Variants in ARHGAP44 observed in about 807,000 individuals in gnomAD.
ARHGAP44 encodes Rho GTPase activating protein 44.
Under a neutral mutation model 106.8 loss-of-function variants are expected in ARHGAP44, and 43 were observed. The ratio of observed to expected loss-of-function variants is 0.40; its 90% CI spans 0.32 to 0.52. The LOEUF (loss-of-function observed/expected upper bound fraction) is 0.52. Among genes scored for constraint, ARHGAP44 ranks in the 20% least tolerant of loss-of-function variants. The probability of loss-of-function intolerance (pLI) is 0.48; values close to 1 mark genes in which losing one functional copy is unlikely to be tolerated. For missense variants in ARHGAP44, 866 were observed against 1,050.5 expected, an observed-to-expected ratio of 0.82 and a Z score of 2.43; for synonymous variants, 439 against 410.3, an observed-to-expected ratio of 1.07 and a Z score of -0.85.
chr17:12,886,619 T>C (rs1597998768), intron 1 of ARHGAP44, among the ~76,000 whole-genome samples: 1 of 152,208 alleles, frequency 6.6e-6, no homozygotes, highest in South Asian at 2.1e-4. Flanking sequence ...TATTAGTATG[T>C]ACAATTTATT....
chr17:12,844,363 A>G (rs2035503486), intron 1 of ARHGAP44, among the ~76,000 whole-genome samples: 1 of 152,188 alleles, frequency 6.6e-6, no homozygotes, highest in East Asian at 1.9e-4. Context: ...CACAGGCACC[A>G]GGGGCTGCAC....
intron 10 of ARHGAP44, among the ~76,000 whole-genome samples, chr17:12,947,326 G>A (rs546128713): frequency 6.6e-6 from 1 of 152,142 alleles, no homozygotes; most frequent in East Asian, 1.9e-4. Context: ...AACCATCCTC[G>A]AAACTTCTAG....
chr17:12,882,453 T>G (rs2036767465), intron 1 of ARHGAP44, among the ~76,000 whole-genome samples: 1 of 152,180 alleles, frequency 6.6e-6, no homozygotes, highest in Non-Finnish European at 1.5e-5. Context: ...CTATTTTAGT[T>G]GCTTACTGAG....
chr17:12,790,910 C>G (rs1431738215), intron 1 of ARHGAP44, among the ~76,000 whole-genome samples: 1 of 152,134 alleles, frequency 6.6e-6, no homozygotes, highest in South Asian at 2.1e-4. Context: ...AATCAGAAAG[C>G]AAAGAATCCA....
intron 1 of ARHGAP44, among the ~76,000 whole-genome samples, chr17:12,801,522 A>G (rs931688509): frequency 2.6e-5 from 4 of 152,232 alleles, no homozygotes; most frequent in East Asian, 1.9e-4. Context: ...TCATCACTGT[A>G]CTTTAATGAC....
chr17:12,937,673 A>G (rs1360081657), intron 7 of ARHGAP44, among the ~76,000 whole-genome samples: 2 of 152,214 alleles, frequency 1.3e-5, no homozygotes, highest in Non-Finnish European at 2.9e-5. Context: ...CTGACTTCAA[A>G]GCCCCCTGCG....
chr17:12,941,070 T>C lies in ARHGAP44; in HGVS notation c.597T>C (p.Ala199=). 1 of 1,614,020 alleles carries C rather than the reference T, an allele frequency of 6.2e-7. No individual in the cohort carries two copies. Among genetic ancestry groups the C allele is most frequent in the Non-Finnish European group, 8.5e-7 (1 of 1,179,892 alleles). Residue 199 remains alanine (A), a synonymous_variant, in exon 8 of 21, where the codon GCT becomes GCC. Coordinates refer to ENST00000379672, the MANE Select transcript of ARHGAP44 (RefSeq NM_014859.6). ...RVEICRDQLS[A]DMYSFVAKEI... is the part of the protein sequence containing the mutation. ...ACCTTGCACAGGACCAGCTCTCAGC[T>C]GATATGTACAGTTTTGTGGCCAAAG...
intron 3 of ARHGAP44, among the ~76,000 whole-genome samples, chr17:12,904,065 T>G (rs1012437420): frequency 6.6e-6 from 1 of 152,168 alleles, no homozygotes; most frequent in Non-Finnish European, 1.5e-5. Flanking sequence ...TCTTCCTTTC[T>G]CTTGTCATTT....
chr17:12,963,176 A>C (rs74383919), intron 16 of ARHGAP44, among the ~76,000 whole-genome samples: 454 of 152,132 alleles, frequency 3.0e-3, no homozygotes, highest in Non-Finnish European at 5.1e-3. Flanking sequence ...TTTGATAAAG[A>C]TGGCAGCAGA....
chr17:12,916,950 T>C, intron 5 of ARHGAP44, among the ~76,000 whole-genome samples: 1 of 152,170 alleles, frequency 6.6e-6, no homozygotes, highest in African/African-American at 2.4e-5. Context: ...ACCAACATGA[T>C]TCTTAAAGGA....
intron 12 of ARHGAP44, among the ~76,000 whole-genome samples, chr17:12,950,338 A>T (rs1441987960): frequency 6.6e-6 from 1 of 152,156 alleles, no homozygotes; most frequent in Non-Finnish European, 1.5e-5. Context: ...GTCACGTGTC[A>T]TGACACGTGG....
At chr17:12,860,194 G>C (rs1567653731) in intron 1 of ARHGAP44, among the ~76,000 whole-genome samples, 2 of 152,162 alleles carry the variant, frequency 1.3e-5, no homozygotes, top group South Asian at 4.1e-4. Context: ...CAAGAATATA[G>C]AAAGTAGGAA....
At chr17:12,864,205 T>C (rs1247147619) in intron 1 of ARHGAP44, among the ~76,000 whole-genome samples, 2 of 152,186 alleles carry the variant, frequency 1.3e-5, no homozygotes, top group African/African-American at 4.8e-5. Flanking sequence ...CTCTGGCAAT[T>C]GTGAATGAGG....
intron 18 of ARHGAP44, among the ~76,000 whole-genome samples, chr17:12,977,632 G>C (rs12453248): frequency 0.55 from 83,306 of 152,074 alleles, 23,033 homozygotes; most frequent in Non-Finnish European, 0.59. Context: ...GCCTTGTTCA[G>C]GTAGCGCCCC....
intron 3 of ARHGAP44, 103 bp downstream of exon 3, chr17:12,896,614 C>T (rs1284536862): frequency 8.0e-6 from 8 of 1,000,440 alleles, no homozygotes; most frequent in Middle Eastern, 2.1e-4. Context: ...TAGCTGCTTA[C>T]GTGCCTGAGA....
rs1221583831 is a variant in ARHGAP44, at chr17:12,958,982, A to T, written c.1523+85A>T. 2 of 1,450,288 alleles carry T rather than the reference A, an allele frequency of 1.4e-6. No individual in the cohort carries two copies. Among genetic ancestry groups the T allele is most frequent in the Non-Finnish European group, 9.4e-7 (1 of 1,062,504 alleles). The allele number at this position is 1,450,288 out of a possible 1,614,324, so 89.8% of individuals were successfully genotyped here. ...GGTGACGCATAAGAAAAATACAATT[A>T]CGGGAAGGCTGCACTGACTCTCAGC... On this transcript the variant is annotated intron_variant, in intron 16 of 20. Transcript: ENST00000379672. This position sits in a 1 kb window ranked among gnomAD's most constrained non-coding sequence, Gnocchi z 4.1.
At chr17:12,908,608 T>A (rs2037633297) in intron 3 of ARHGAP44, among the ~76,000 whole-genome samples, 1 of 152,202 alleles carries the variant, frequency 6.6e-6, no homozygotes, top group South Asian at 2.1e-4. Flanking sequence ...TTTAAATTTT[T>A]CTCATTTTTC....
chr17:12,797,837 G>C (rs1384081648), intron 1 of ARHGAP44, among the ~76,000 whole-genome samples: 1 of 152,120 alleles, frequency 6.6e-6, no homozygotes, highest in East Asian at 1.9e-4. Context: ...TCTCATCTGG[G>C]AATAGGGCAT....
chr17:12,874,719 T>G (rs562293883), intron 1 of ARHGAP44, among the ~76,000 whole-genome samples: 2 of 142,922 alleles, frequency 1.4e-5, no homozygotes, highest in South Asian at 4.6e-4. Flanking sequence ...GTAAGAAGAG[T>G]GAAACTCTGT....
Sources: allele counts gnomAD v4.1 joint callset (sites outside exome capture counted in the v4.1 genomes callset), GRCh38; gene constraint gnomAD v4.1.1; non-coding constraint Gnocchi (gnomAD v3.1); transcripts MANE v1.5; gene names NCBI Gene and HGNC (gene_info 2026-07-23, HGNC 2026-07-21).